The following TLE1 variants were observed in gnomAD, a reference collection of about 807,000 sequenced individuals.
TLE1 encodes transducin-like enhancer protein 1.
A neutral mutation model predicts 89.8 loss-of-function variants in TLE1; 21 were observed. That is an observed-to-expected ratio of 0.23 (90% CI 0.17 to 0.34). TLE1 has a LOEUF of 0.34. TLE1 is among the 10% of genes least tolerant of loss of function. TLE1 has a pLI of 1.00. For missense variants in TLE1, 795 were observed against 1,031.2 expected (o/e 0.77, Z 3.14); for synonymous variants, 447 against 407.6 (o/e 1.10, Z -1.16).
chr9:81,638,962 T>C (rs1449978971), intron 6 of TLE1, among the ~76,000 whole-genome samples: 3 of 151,956 alleles, frequency 2.0e-5, no homozygotes, highest in African/African-American at 7.2e-5. Flanking sequence ...CTCACTCTGT[T>C]ACCCAGGCTG....
At position 81,685,705 on chromosome 9, in the gene TLE1, A is replaced by G; in HGVS notation, c.205T>C (p.Tyr69His). Reference sequence around the variant, plus strand: ...TTGTGCATTTCAATGTTTAATCCATATGACATTTCATAATACTGTAAAGAG... The same window carrying G: ...TTGTGCATTTCAATGTTTAATCCATGTGACATTTCATAATACTGTAAAGAG... ...RHYVMYYEMS[Y>H]GLNIEMHKQT... Residue 69 changes from tyrosine (Y) to histidine (H), a missense_variant, in exon 4 of 20, where the codon TAT becomes CAT. Around this residue, in one of 4 missense-constraint regions of TLE1, gnomAD observed 66 missense variants for 118.7 expected, o/e 0.56. Coordinates refer to ENST00000376499, the MANE Select transcript of TLE1 (RefSeq NM_005077.5). 1 of 1,613,710 alleles carries G rather than the reference A, an allele frequency of 6.2e-7. No homozygotes were observed. The highest frequency in any genetic ancestry group is 1.1e-5 in the South Asian group (1 of 91,058).
At chr9:81,672,953 G>A (rs1694007187) in intron 4 of TLE1, among the ~76,000 whole-genome samples, 2 of 152,198 alleles carry the variant, frequency 1.3e-5, no homozygotes, top group Non-Finnish European at 2.9e-5. Flanking sequence ...TTTGGCCAAA[G>A]TAAGACATTT....
chr9:81,627,200 A>T (rs1209051269), intron 8 of TLE1, among the ~76,000 whole-genome samples: 1 of 152,124 alleles, frequency 6.6e-6, no homozygotes, highest in Non-Finnish European at 1.5e-5. Context: ...CCAGTGAGGA[A>T]ATGATAAAAA....
At chr9:81,640,733 T>C (rs1170121351) in intron 6 of TLE1, among the ~76,000 whole-genome samples, 1 of 152,202 alleles carries the variant, frequency 6.6e-6, no homozygotes, top group Non-Finnish European at 1.5e-5. Context: ...GAAACTGACT[T>C]TGCTGTTTAC....
chr9:81,604,717 C>T (rs1050110272), intron 14 of TLE1, among the ~76,000 whole-genome samples: 4 of 152,142 alleles, frequency 2.6e-5, no homozygotes, highest in African/African-American at 9.7e-5. Context: ...TAAGGTCCCT[C>T]CTGCCCCAAC....
chr9:81,688,288 G>C lies in TLE1; in HGVS notation c.-48C>G, dbSNP rs1251366094. On this transcript the variant is annotated 5_prime_UTR_variant, in exon 1 of 20. Coordinates refer to ENST00000376499, the MANE Select transcript of TLE1 (RefSeq NM_005077.5). ...CTGTTCCCCGGCAACTCAATTCTCC[G>C]GTCAATTTCCAACTTTAATCCCGCC... 5.9e-6 allele frequency: 9 copies of C among 1,522,540 alleles called. No homozygotes were observed. Among genetic ancestry groups the C allele is most frequent in the African/African-American group, 1.5e-5 (1 of 68,838 alleles). The allele number at this position is 1,522,540 out of a possible 1,614,324, so 94.3% of individuals were successfully genotyped here. A position where few individuals can be genotyped will look rare whatever the true frequency, so the allele number is the denominator to read the frequency against.
At chr9:81,651,942 T>A (rs561030298) in intron 6 of TLE1, among the ~76,000 whole-genome samples, 2 of 151,230 alleles carry the variant, frequency 1.3e-5, no homozygotes, top group Non-Finnish European at 2.9e-5. Flanking sequence ...AAGACCCCGG[T>A]CTGTTTAAAA....
chr9:81,622,448 T>TG (rs1282294268), intron 8 of TLE1, among the ~76,000 whole-genome samples: 5 of 152,170 alleles, frequency 3.3e-5, no homozygotes, highest in African/African-American at 1.2e-4. Context: ...CTTGTTTTTT[T>TG]TTGTTGTTGT....
At chr9:81,653,097 C>A (rs1829756122) in intron 5 of TLE1, among the ~76,000 whole-genome samples, 1 of 152,144 alleles carries the variant, frequency 6.6e-6, no homozygotes, top group South Asian at 2.1e-4. Context: ...TCACTAAAGT[C>A]TAACAACTAC....
intron 8 of TLE1, among the ~76,000 whole-genome samples, chr9:81,629,324 ATTTT>A (rs1176704982): frequency 6.6e-6 from 1 of 152,098 alleles, no homozygotes; most frequent in Non-Finnish European, 1.5e-5. Context: ...ATCTAAAGTT[ATTTT>A]TTTATTACTA....
chr9:81,634,240 G>T lies in TLE1; in HGVS notation c.434C>A (p.Pro145His), dbSNP rs1827080848. ...HGHGPPVPLT[P>H]HPSGLQPPGI... is the part of the protein sequence containing the mutation. ...AGGAGGCTGAAGTCCCGAAGGGTGA[G>T]GCGTAAGGGGAACTGGGGGTCCGTG... The change falls in exon 7 of 20, where the codon CCT becomes CAT. Residue 145 changes from proline (P) to histidine (H), a missense_variant. By Grantham distance (77) the Pro-to-His change is moderately conservative (BLOSUM62 -2). This residue lies in a region of TLE1 where 468 missense variants were observed against 509.1 expected (regional missense o/e 0.92). Coordinates refer to ENST00000376499, the MANE Select transcript of TLE1 (RefSeq NM_005077.5). 6.3e-7 allele frequency: 1 copy of T among 1,583,340 alleles called. No homozygotes were observed. Among genetic ancestry groups the T allele is most frequent in the African/African-American group, 1.3e-5 (1 of 74,634 alleles).
Position 81,688,205 on chromosome 9 carries a change from G to A in TLE1, c.24+12C>T, listed in dbSNP as rs367694550. Reference sequence around the variant, plus strand: ...GATCCTGGCCCCCCACCACCACCCAGCCGCGCCTCACCGGGTGCCGGCTCT... The same window carrying A: ...GATCCTGGCCCCCCACCACCACCCAACCGCGCCTCACCGGGTGCCGGCTCT... On this transcript the variant is annotated intron_variant, in intron 1 of 19. Coordinates refer to ENST00000376499, the MANE Select transcript of TLE1 (RefSeq NM_005077.5). 9 of 1,598,016 alleles carry A rather than the reference G, an allele frequency of 5.6e-6. No homozygotes were observed. The highest frequency in any genetic ancestry group is 5.5e-5 in the African/African-American group (4 of 73,252).
intron 18 of TLE1, 77 bp downstream of exon 18, chr9:81,585,428 T>C: frequency 6.5e-7 from 1 of 1,547,432 alleles, no homozygotes; most frequent in Non-Finnish European, 8.8e-7. Flanking sequence ...CAGATTATGA[T>C]CTCTACCATA....
intron 4 of TLE1, among the ~76,000 whole-genome samples, chr9:81,678,466 G>A (rs1833178609): frequency 6.6e-6 from 1 of 152,122 alleles, no homozygotes; most frequent in Non-Finnish European, 1.5e-5. Context: ...GTGATCCTCT[G>A]GAGCTGGGAT....
At chr9:81,620,864 T>C (rs1825150752) in intron 8 of TLE1, 1 of 794,996 alleles carries the variant, frequency 1.3e-6, no homozygotes, top group Non-Finnish European at 1.9e-6. Flanking sequence ...GTGGATGTGT[T>C]TTTATTCTTT....
chr9:81,677,086 A>T (rs1832987976), intron 4 of TLE1, among the ~76,000 whole-genome samples: 2 of 152,064 alleles, frequency 1.3e-5, no homozygotes, highest in Admixed American at 1.3e-4. Flanking sequence ...AAATGTAACA[A>T]TTAGCTGGGT....
At chr9:81,590,104 C>T (rs1026514963) in intron 16 of TLE1, among the ~76,000 whole-genome samples, 2 of 152,230 alleles carry the variant, frequency 1.3e-5, no homozygotes, top group African/African-American at 2.4e-5. Context: ...AACATGTACT[C>T]ATTTTACCTT....
chr9:81,607,197 C>A (rs1831812968), intron 14 of TLE1, among the ~76,000 whole-genome samples: 1 of 152,106 alleles, frequency 6.6e-6, no homozygotes, highest in Non-Finnish European at 1.5e-5. Flanking sequence ...CCACTGTGTC[C>A]ACTGTCCTTG....
intron 17 of TLE1, among the ~76,000 whole-genome samples, chr9:81,586,174 C>T (rs1476431674): frequency 2.6e-5 from 4 of 152,166 alleles, no homozygotes; most frequent in East Asian, 1.9e-4. Context: ...CCCACCACCA[C>T]GCCCGGCTAA....
Sources: allele counts gnomAD v4.1 joint callset (sites outside exome capture counted in the v4.1 genomes callset), GRCh38; gene constraint gnomAD v4.1.1; regional missense constraint gnomAD v4.1.1; transcripts MANE v1.5; gene names NCBI Gene and HGNC (gene_info 2026-07-23, HGNC 2026-07-21).